PCNX3: variants seen among roughly 807,000 people sequenced by gnomAD.
PCNX3 encodes pecanex 3, also known as pecanex-like protein 3.
Under a neutral mutation model 207.2 loss-of-function variants are expected in PCNX3, and 58 were observed. The observed-to-expected ratio is 0.28, with a 90% confidence interval of 0.23 to 0.35. The LOEUF is 0.35. PCNX3 is among the 10% of genes least tolerant of loss of function. The probability of loss-of-function intolerance (pLI) is 1.00; values close to 1 mark genes in which losing one functional copy is unlikely to be tolerated. For missense variants in PCNX3, 2,410 were observed against 2,774.4 expected, an observed-to-expected ratio of 0.87 and a Z score of 2.95; for synonymous variants, 1,337 against 1,183.5, an observed-to-expected ratio of 1.13 and a Z score of -2.66.
rs1483546105 is a variant in PCNX3, at chr11:65,618,875, A to G, written c.1513A>G (p.Ser505Gly). Reference protein sequence around the residue: ...ASAKTHARVLSMDGAGGDVLR... With the variant: ...ASAKTHARVLGMDGAGGDVLR... The stretch of plus-strand genomic sequence containing the variant: ...CGCTAAAACACATGCCCGTGTGCTG[A>G]GCATGGATGGGGCTGGGGGTGATGT... Residue 505 changes from serine to glycine, a missense_variant, in exon 6 of 35, where the codon AGC (serine) becomes GGC (glycine). Around this residue, in one of 8 missense-constraint regions of PCNX3, gnomAD observed 1,104 missense variants for 970.3 expected, o/e 1.14. Transcript: ENST00000355703. 6.2e-7 allele frequency: 1 copy of G among 1,610,694 alleles called. No individual in the cohort carries two copies. Among genetic ancestry groups the G allele is most frequent in the African/African-American group, 1.3e-5 (1 of 74,886 alleles).
At position 65,618,315 on chromosome 11, in the gene PCNX3, C is replaced by T. The variant is rs753299074; in HGVS notation, c.953C>T (p.Thr318Ile). Residue 318 changes from threonine (T) to isoleucine (I), a missense_variant, in exon 6 of 35, where the codon ACC becomes ATC. Transcript: ENST00000355703. ...TTGAGCAGCTTCAAGAGTGAGAAGA[C>T]CAACTCCACCCATCTGGACAGCCCC... ...ETLSSFKSEK[T>I]NSTHLDSPPG... 3.7e-6 allele frequency: 6 copies of T among 1,610,048 alleles called. No individual in the cohort carries two copies. The highest frequency in any genetic ancestry group is 3.4e-6 in the Non-Finnish European group (4 of 1,177,878).
chr11:65,624,945 G>T lies in PCNX3; in HGVS notation c.2848G>T (p.Ala950Ser). ...CACAGCTGCCACCAGCCCGCTCACG[G>T]CAGTCTTCAGCCTCTCCCGCAGCCT... is the stretch of plus-strand genomic sequence containing the variant. ...GGTAATSPLTAVFSLSRSLLA... is the reference protein window; with the variant it reads ...GGTAATSPLTSVFSLSRSLLA... Residue 950 changes from alanine to serine, a missense_variant, in exon 16 of 35, where the codon GCA (alanine) becomes TCA (serine). Ala to Ser is a moderately conservative substitution (Grantham distance 99, BLOSUM62 1). Transcript: ENST00000355703. 1 of 1,611,078 alleles carries T rather than the reference G, an allele frequency of 6.2e-7. No homozygotes were observed.
rs747132456 is a variant in PCNX3, at chr11:65,625,906, G to A, written c.3231G>A (p.Ser1077=). 5.6e-6 allele frequency: 9 copies of A among 1,612,412 alleles called. No homozygotes were observed. Among genetic ancestry groups the A allele is most frequent in the Admixed American group, 1.7e-5 (1 of 59,952 alleles). Residue 1077 remains serine, a splice_region_variant and synonymous_variant, in exon 20 of 35, where the codon TCG becomes TCA. Coordinates refer to ENST00000355703, the MANE Select transcript of PCNX3 (RefSeq NM_032223.4). This position sits in a 1 kb window ranked among gnomAD's most constrained non-coding sequence, Gnocchi z 5.6. ...SASTVFIALK[S]VLGFVLYALA... is the part of the protein sequence containing the mutation. ...TCTCTGGCCTCTCCCTCCTGCAGTC[G>A]GTGCTGGGTTTCGTGTTGTACGCAC...
intron 23 of PCNX3, 22 bp downstream of exon 23, chr11:65,628,725 G>A (rs767302815): frequency 3.1e-6 from 5 of 1,611,168 alleles, no homozygotes; most frequent in South Asian, 2.2e-5. Context: ...GTGTTTGGGT[G>A]GGGGTGTGCA....
At chr11:65,629,835 T>C (rs1225964047) in intron 26 of PCNX3, 100 bp downstream of exon 26, 1 of 1,340,722 alleles carries the variant, frequency 7.5e-7, no homozygotes, top group Non-Finnish European at 1.0e-6. Context: ...TCCAGCTCTG[T>C]CCAGGCTGGC....
intron 32 of PCNX3, 63 bp from the exon 33 acceptor site, chr11:65,636,111 C>T (rs1565174187): frequency 2.6e-6 from 4 of 1,551,276 alleles, no homozygotes; most frequent in South Asian, 2.4e-5. Context: ...AGGACTCATG[C>T]TTGTGAGGCC....
Position 65,622,291 on chromosome 11 carries a change from A to G in PCNX3, c.2282A>G (p.Tyr761Cys). The change falls in exon 11 of 35, where the codon TAC (tyrosine) becomes TGC (cysteine). Residue 761 changes from tyrosine to cysteine, a missense_variant. By Grantham distance (194) the Tyr-to-Cys change is radical. Around this residue, in one of 8 missense-constraint regions of PCNX3, gnomAD observed 177 missense variants for 257.5 expected, o/e 0.69. Coordinates refer to ENST00000355703, the MANE Select transcript of PCNX3 (RefSeq NM_032223.4). The stretch of plus-strand genomic sequence containing the variant: ...GCGCCACCCCGGGCCCAGCATAGTT[A>G]CAAGTACTGGCTTCTCCCTGGCCGC... ...EEAPPRAQHS[Y>C]KYWLLPGRWT... 1 of 1,601,256 alleles carries G rather than the reference A, an allele frequency of 6.2e-7. No homozygotes were observed. The highest frequency in any genetic ancestry group is 8.5e-7 in the Non-Finnish European group (1 of 1,174,532).
Position 65,620,946 on chromosome 11 carries a change from G to C in PCNX3, c.2215G>C (p.Val739Leu). Reference sequence around the variant, plus strand: ...TCTGCAGGGCATGCAGGTGCGCCGGGTGCCCCTGGAGATCCCGGAGGTGAG... The same window carrying C: ...TCTGCAGGGCATGCAGGTGCGCCGGCTGCCCCTGGAGATCCCGGAGGTGAG... Reference protein sequence around the residue: ...VVLQGMQVRRVPLEIPEEQTL... With the variant: ...VVLQGMQVRRLPLEIPEEQTL... Residue 739 changes from valine (V) to leucine (L), a missense_variant, in exon 10 of 35, where the codon GTG becomes CTG. Physicochemically the swap from Val to Leu is conservative, Grantham distance 32. Around this residue, in one of 8 missense-constraint regions of PCNX3, gnomAD observed 177 missense variants for 257.5 expected, o/e 0.69. Transcript: ENST00000355703. The C allele has an allele frequency of 6.5e-7, 1 of 1,550,204 alleles. No homozygotes were observed. Among genetic ancestry groups the C allele is most frequent in the Non-Finnish European group, 8.7e-7 (1 of 1,146,956 alleles).
At chr11:65,634,476 C>T (rs1343141004) in intron 28 of PCNX3, 62 bp from the exon 29 acceptor site, 3 of 1,524,180 alleles carry the variant, frequency 2.0e-6, no homozygotes, top group South Asian at 2.4e-5. Flanking sequence ...CCCCAGCCCC[C>T]ACTCCAAGGT....
chr11:65,627,292 A>G, intron 21 of PCNX3, 113 bp from the exon 22 acceptor site: 1 of 1,245,726 alleles, frequency 8.0e-7, no homozygotes, highest in Non-Finnish European at 1.1e-6. Flanking sequence ...GGACCAGCCC[A>G]GCAGAGCAGA....
chr11:65,622,508 G>A (rs1565159411), intron 11 of PCNX3, 142 bp downstream of exon 11: 1 of 1,107,854 alleles, frequency 9.0e-7, no homozygotes, highest in Non-Finnish European at 1.2e-6. Flanking sequence ...GCTGGAGTCT[G>A]CAGTGGTGGT....
intron 2 of PCNX3, 78 bp from the exon 3 acceptor site, chr11:65,617,172 A>G (rs1234598744): frequency 2.1e-6 from 3 of 1,441,698 alleles, no homozygotes; most frequent in African/African-American, 1.4e-5. Flanking sequence ...CTGAAAAAGA[A>G]GCAGTGACAA....
chr11:65,625,389 T>A lies in PCNX3; in HGVS notation c.3030-16T>A. 1 of 1,600,730 alleles carries A rather than the reference T, an allele frequency of 6.2e-7. No individual in the cohort carries two copies. The highest frequency in any genetic ancestry group is 8.5e-7 in the Non-Finnish European group (1 of 1,177,112). ...GAAGGAGGGGCGGCCTCCTCCTGAC[T>A]CTTCCTCACCCCCAGGTCTCTGATC... On this transcript the variant is annotated splice_polypyrimidine_tract_variant and intron_variant, in intron 17 of 34. Coordinates refer to ENST00000355703, the MANE Select transcript of PCNX3 (RefSeq NM_032223.4). This position sits in a 1 kb window ranked among gnomAD's most constrained non-coding sequence, Gnocchi z 5.6.
In PCNX3 at chr11:65,621,456, A is replaced by G. The variant is rs1590877912; in HGVS notation, c.2235+490A>G. The stretch of plus-strand genomic sequence containing the variant: ...TTTGTATACTTAATCTATTAACACC[A>G]GAAGCGCTAAAAATGCGTGAAACGC... On this transcript the variant is annotated intron_variant, in intron 10 of 34. Coordinates refer to ENST00000355703, the MANE Select transcript of PCNX3 (RefSeq NM_032223.4). Among the ~76,000 whole-genome samples the G allele has an allele frequency of 2.0e-5, 3 of 152,372 alleles. No homozygotes were observed. In the South Asian group the frequency reaches 6.2e-4, roughly 32 times the overall value.
chr11:65,634,795 C>T (rs1855759329), intron 29 of PCNX3, among the ~76,000 whole-genome samples, 154 bp downstream of exon 29: 1 of 152,168 alleles, frequency 6.6e-6, no homozygotes, highest in African/African-American at 2.4e-5. Flanking sequence ...ACTTCCTGGT[C>T]ATGACCTTGC....
Position 65,625,802 on chromosome 11 carries a change from C to T in PCNX3, c.3228+58C>T. On this transcript the variant is annotated intron_variant, in intron 19 of 34. Transcript: ENST00000355703. This position sits in a 1 kb window ranked among gnomAD's most constrained non-coding sequence, Gnocchi z 5.6. ...CTGTCTTGGCGGGAGCCTGCTCAAT[C>T]TGAGTGCCGTGGGCAGCCCCTCCCC... is the stretch of plus-strand genomic sequence containing the variant. 7 of 1,596,858 alleles carry T rather than the reference C, an allele frequency of 4.4e-6. No individual in the cohort carries two copies. The highest frequency in any genetic ancestry group is 5.1e-6 in the Non-Finnish European group (6 of 1,172,618).
At chr11:65,624,090 T>C in intron 13 of PCNX3, 105 bp from the exon 14 acceptor site, 1 of 1,568,350 alleles carries the variant, frequency 6.4e-7, no homozygotes, top group Admixed American at 1.7e-5. Flanking sequence ...CTGGCCAGGC[T>C]CTCCAGCTTG....
At chr11:65,619,175 T>G in intron 6 of PCNX3, 108 bp downstream of exon 6, 1 of 960,468 alleles carries the variant, frequency 1.0e-6, no homozygotes, top group Non-Finnish European at 1.5e-6. Flanking sequence ...CAGCCTCGGT[T>G]GTAGGCAGCA....
At position 65,634,311 on chromosome 11, in the gene PCNX3, T is replaced by C. The variant is rs1455198821; in HGVS notation, c.4656T>C (p.Ala1552=). 2 of 1,607,194 alleles carry C rather than the reference T, an allele frequency of 1.2e-6. No homozygotes were observed. Among genetic ancestry groups the C allele is most frequent in the African/African-American group, 1.3e-5 (1 of 74,832 alleles). ...GCCTCTCGCTGCCCTCCTTTTGTGC[T>C]GTGCACCTCGAGTGGATCCAGTACT... is the stretch of plus-strand genomic sequence containing the variant. ...LSGLSLPSFC[A]VHLEWIQYCA... The change falls in exon 28 of 35, where the codon GCT becomes GCC. Residue 1552 remains alanine (A), a synonymous_variant. Transcript: ENST00000355703.
Sources: allele counts gnomAD v4.1 joint callset (sites outside exome capture counted in the v4.1 genomes callset), GRCh38; gene constraint gnomAD v4.1.1; regional missense constraint gnomAD v4.1.1; non-coding constraint Gnocchi (gnomAD v3.1); transcripts MANE v1.5; gene names NCBI Gene and HGNC (gene_info 2026-07-23, HGNC 2026-07-21).